Variants in SPAG16 observed in about 807,000 individuals in gnomAD.
SPAG16 encodes sperm associated antigen 16, also known as sperm-associated antigen 16 protein.
Under a neutral mutation model 80.4 loss-of-function variants are expected in SPAG16, and 86 were observed. The ratio of observed to expected loss-of-function variants is 1.07; its 90% confidence interval spans 0.90 to 1.28. The LOEUF is 1.28. SPAG16 is among the 50% of genes most tolerant of loss of function. SPAG16 has a pLI of 0.00. For synonymous variants in SPAG16, 294 were observed against 265.9 expected (o/e 1.11, Z -1.03); for missense variants, 870 against 765.3 (o/e 1.14, Z -1.61).
At chr2:214,090,224 G>C (rs527300534) in intron 13 of SPAG16, among the ~76,000 whole-genome samples, 3 of 151,600 alleles carry the variant, frequency 2.0e-5, no homozygotes, top group African/African-American at 7.2e-5. Context: ...TAAAGATGAA[G>C]ACGAAGAAAA....
At chr2:213,816,900 A>G (rs1003980210) in intron 10 of SPAG16, among the ~76,000 whole-genome samples, 2 of 152,030 alleles carry the variant, frequency 1.3e-5, no homozygotes, top group Admixed American at 1.3e-4. Context: ...TGCTCTAGAA[A>G]TATGATAATT....
At chr2:213,837,746 A>G (rs2074162701) in intron 10 of SPAG16, among the ~76,000 whole-genome samples, 1 of 152,218 alleles carries the variant, frequency 6.6e-6, no homozygotes, top group Non-Finnish European at 1.5e-5. Flanking sequence ...TGGGAATATT[A>G]AGATAAGGAG....
chr2:213,976,423 C>T (rs2106398699), intron 12 of SPAG16, among the ~76,000 whole-genome samples: 1 of 151,856 alleles, frequency 6.6e-6, no homozygotes, highest in East Asian at 1.9e-4. Flanking sequence ...TAACAGGTCT[C>T]CTCTCACACA....
chr2:213,304,671 G>A lies in SPAG16; in HGVS notation c.280-5388G>A, dbSNP rs187218184. ...AATGTATGTTCTTGATACCTTTGTC[G>A]AAAATGAGTTCACTGTAGACGTATG... On this transcript the variant is annotated intron_variant, in intron 3 of 15. Transcript: ENST00000331683. Among the ~76,000 whole-genome samples, 6 of 152,086 alleles carry A rather than the reference G, an allele frequency of 3.9e-5. No homozygotes were observed. In the East Asian group the frequency reaches 5.8e-4, roughly 15 times the overall value.
chr2:213,381,693 AC>A (rs1386573421), intron 9 of SPAG16, among the ~76,000 whole-genome samples: 1 of 152,150 alleles, frequency 6.6e-6, no homozygotes, highest in Non-Finnish European at 1.5e-5. Context: ...AAATAAGTAT[AC>A]CCATGGGACA....
chr2:213,643,348 TTATATATATA>T lies in SPAG16; in HGVS notation c.1070+153312_1070+153321del, dbSNP rs61608932. On this transcript the variant is annotated intron_variant, in intron 10 of 15. Transcript: ENST00000331683. ...CTGCCAGATGTATTGGATCTTAATT[TTATATATATA>T]TATATATATATATATATATATATAT... 6.8e-3 allele frequency among the ~76,000 whole-genome samples: 265 copies of T among 38,952 alleles called. 2 individuals carry two copies. Among genetic ancestry groups the T allele is most frequent in the Non-Finnish European group, 8.0e-3 (169 of 21,196 alleles). 25.6% of individuals were successfully genotyped at this position (38,952 alleles called of 152,430 possible).
chr2:213,926,791 C>A (rs1000495032), intron 11 of SPAG16, among the ~76,000 whole-genome samples: 1 of 152,156 alleles, frequency 6.6e-6, no homozygotes, highest in Non-Finnish European at 1.5e-5. Flanking sequence ...CATCCTCAGT[C>A]ATGGCTTCTT....
Position 213,284,595 on chromosome 2 carries a change from G to C in SPAG16, c.112G>C (p.Ala38Pro), listed in dbSNP as rs759787296. 3 of 1,609,258 alleles carry C rather than the reference G, an allele frequency of 1.9e-6. No homozygotes were observed. The highest frequency in any genetic ancestry group is 2.5e-6 in the Non-Finnish European group (3 of 1,178,584). ...DARDTADAVA[A>P]EGAYYLEQVT... ...GAGGGACACGGCGGACGCGGTGGCG[G>C]CTGAGGGCGCCTACTACCTGGAACG... Residue 38 changes from alanine (A) to proline (P), a missense_variant, in exon 1 of 16, where the codon GCT becomes CCT. Ala to Pro is a conservative substitution (Grantham distance 27). Coordinates refer to ENST00000331683, the MANE Select transcript of SPAG16 (RefSeq NM_024532.5).
At chr2:213,466,680 C>A (rs2072716538) in intron 9 of SPAG16, among the ~76,000 whole-genome samples, 1 of 152,158 alleles carries the variant, frequency 6.6e-6, no homozygotes, top group Admixed American at 6.5e-5. Flanking sequence ...ATCTTATGTC[C>A]TCTGTTACCC....
intron 8 of SPAG16, among the ~76,000 whole-genome samples, chr2:213,371,181 G>C (rs11684890): frequency 0.88 from 133,216 of 151,994 alleles, 60,397 homozygotes; most frequent in East Asian, 1. Context: ...AGCCGACGCA[G>C]GCGGATCACG....
Position 214,080,475 on chromosome 2 carries a change from G to C in SPAG16, c.1528-27721G>C, listed in dbSNP as rs368571772. Among the ~76,000 whole-genome samples the C allele has an allele frequency of 3.1e-4, 47 of 151,176 alleles. No individual in the cohort carries two copies. The East Asian group carries it at 8.9e-3, about 29-fold the overall frequency. On this transcript the variant is annotated intron_variant, in intron 13 of 15. Transcript: ENST00000331683. ...AAAAAAAAATTAGCCGGGCGTGGTG[G>C]TGGGCGCCTGTAGTCCCAGCTACTC...
intron 15 of SPAG16, among the ~76,000 whole-genome samples, chr2:214,170,809 A>G (rs1390837719): frequency 6.6e-6 from 1 of 152,042 alleles, no homozygotes; most frequent in African/African-American, 2.4e-5. Flanking sequence ...GCACACTTCA[A>G]ATAATCTACC....
At chr2:213,895,414 G>A (rs2175308) in intron 11 of SPAG16, among the ~76,000 whole-genome samples, 89,336 of 151,506 alleles carry the variant, frequency 0.59, 28,134 homozygotes, top group South Asian at 0.85. Flanking sequence ...AATAGAAAAA[G>A]CAATCATAAA....
chr2:214,307,960 A>G (rs1036673144), intron 15 of SPAG16, among the ~76,000 whole-genome samples: 1 of 152,088 alleles, frequency 6.6e-6, no homozygotes, highest in African/African-American at 2.4e-5. Context: ...TTCTGTCTCA[A>G]TTATCTGTCT....
At chr2:214,233,908 G>A (rs917733705) in intron 15 of SPAG16, among the ~76,000 whole-genome samples, 2 of 151,382 alleles carry the variant, frequency 1.3e-5, no homozygotes, top group Non-Finnish European at 2.9e-5. Flanking sequence ...TTGAGTTCAG[G>A]GGTACATGCG....
intron 9 of SPAG16, among the ~76,000 whole-genome samples, chr2:213,447,403 G>A (rs933441101): frequency 2.6e-5 from 4 of 152,202 alleles, no homozygotes; most frequent in Non-Finnish European, 4.4e-5. Flanking sequence ...AAACTTTTCT[G>A]TCTGTTATCC....
intron 10 of SPAG16, among the ~76,000 whole-genome samples, chr2:213,806,146 A>C (rs2071755338): frequency 6.6e-6 from 1 of 152,194 alleles, no homozygotes; most frequent in African/African-American, 2.4e-5. Context: ...GTTCCAATAA[A>C]TACTAGAGAG....
At chr2:214,394,293 C>T (rs1235078173) in intron 15 of SPAG16, among the ~76,000 whole-genome samples, 2 of 151,682 alleles carry the variant, frequency 1.3e-5, no homozygotes, top group African/African-American at 4.8e-5. Flanking sequence ...TTTTAAATAT[C>T]AGCATAGCTT....
chr2:214,265,177 C>A (rs1691467019), intron 15 of SPAG16, among the ~76,000 whole-genome samples: 1 of 152,078 alleles, frequency 6.6e-6, no homozygotes, highest in Non-Finnish European at 1.5e-5. Flanking sequence ...TAGAAATTGC[C>A]AAACTGTTTG....
Sources: gnomAD v4.1 joint callset for allele counts (sites outside exome capture counted in the v4.1 genomes callset) on GRCh38, gnomAD v4.1.1 for gene constraint, MANE v1.5 for transcripts, NCBI Gene and HGNC (gene_info 2026-07-23, HGNC 2026-07-21) for gene names.